Variants in GPR161 observed in about 807,000 individuals in gnomAD.
GPR161 encodes the protein G protein-coupled receptor 161.
Under a neutral mutation model 39.2 loss-of-function variants are expected in GPR161, and 25 were observed. That is an observed-to-expected ratio of 0.64 (90% CI 0.47 to 0.89). The LOEUF (loss-of-function observed/expected upper bound fraction) is 0.89. Ranked by LOEUF, GPR161 falls within the 40% of genes least tolerant of loss-of-function variation. The pLI is 0.00. For synonymous variants in GPR161, 286 were observed against 276.6 expected (o/e 1.03, Z -0.34); for missense variants, 547 against 677.8 (o/e 0.81, Z 2.14).
At chr1:168,132,515 A>C (rs367864539) in intron 1 of GPR161, among the ~76,000 whole-genome samples, 3 of 145,938 alleles carry the variant, frequency 2.1e-5, no homozygotes, top group East Asian at 2.2e-4. Flanking sequence ...GTGAACCCGG[A>C]AGATGGAGCT....
chr1:168,115,293 G>A (rs1697529501), intron 1 of GPR161, among the ~76,000 whole-genome samples: 1 of 152,056 alleles, frequency 6.6e-6, no homozygotes, highest in South Asian at 2.1e-4. Flanking sequence ...GCAACTTACA[G>A]AATCCTAATA....
chr1:168,134,760 C>G, intron 1 of GPR161: 1 of 655,618 alleles, frequency 1.5e-6, no homozygotes, highest in Non-Finnish European at 2.7e-6. Flanking sequence ...TGTGCTGGAG[C>G]CCCACCGCAC....
chr1:168,119,195 C>CGT (rs1553269044), intron 1 of GPR161, among the ~76,000 whole-genome samples: 2 of 109,608 alleles, frequency 1.8e-5, no homozygotes, highest in Admixed American at 1.8e-4. Flanking sequence ...AAATCTCCAT[C>CGT]ATATATATAT....
Position 168,112,523 on chromosome 1 carries a change from AT to A in GPR161, c.-44-7630del, listed in dbSNP as rs59790668. ...AAAAAAAAGGAAAAGAAAAAAAAAA[AT>A]TTGGTAAATACGTAGATTAATCTAA... On this transcript the variant is annotated intron_variant, in intron 1 of 5. Transcript: ENST00000682931. 9.0e-3 allele frequency among the ~76,000 whole-genome samples: 1,347 copies of A among 149,968 alleles called. 10 individuals carry two copies. The highest frequency in any genetic ancestry group is 0.015 in the Non-Finnish European group (998 of 67,626).
rs548764066 is a variant in GPR161, at chr1:168,113,779, A to T, written c.-44-8885T>A. On this transcript the variant is annotated intron_variant, in intron 1 of 5. Transcript: ENST00000682931. The stretch of plus-strand genomic sequence containing the variant: ...GTTCTCACCTATTAGTGGAAGCTAA[A>T]TGATGAGAACACAAAGAGAGGAACA... Among the ~76,000 whole-genome samples the T allele has an allele frequency of 2.6e-5, 4 of 152,374 alleles. No individual in the cohort carries two copies. In the South Asian group the frequency reaches 8.3e-4, roughly 32 times the overall value.
intron 1 of GPR161, 58 bp from the exon 2 acceptor site, chr1:168,104,952 C>T (rs1269255824): frequency 7.3e-7 from 1 of 1,370,734 alleles, no homozygotes; most frequent in Non-Finnish European, 1.0e-6. Context: ...CACATCGTCT[C>T]CACCTTAGGG....
intron 1 of GPR161, among the ~76,000 whole-genome samples, chr1:168,128,424 C>T (rs1452691318): frequency 6.6e-6 from 1 of 152,208 alleles, no homozygotes. Context: ...TTTTACAATA[C>T]ACAAGATAGC....
At chr1:168,124,336 G>C (rs1410577935) in intron 1 of GPR161, among the ~76,000 whole-genome samples, 1 of 152,104 alleles carries the variant, frequency 6.6e-6, no homozygotes, top group Admixed American at 6.6e-5. Flanking sequence ...TGAGTTTTCT[G>C]AATTGGTCGA....
At chr1:168,091,071 T>A (rs1244478065) in intron 3 of GPR161, among the ~76,000 whole-genome samples, 2 of 152,186 alleles carry the variant, frequency 1.3e-5, no homozygotes, top group Non-Finnish European at 2.9e-5. Flanking sequence ...TTTAAGAGGC[T>A]TACACCCCAA....
At chr1:168,123,962 G>A (rs1346202508) in intron 1 of GPR161, among the ~76,000 whole-genome samples, 1 of 152,200 alleles carries the variant, frequency 6.6e-6, no homozygotes, top group Non-Finnish European at 1.5e-5. Context: ...AGTTGCCTTC[G>A]CATGTTGTAA....
chr1:168,118,763 A>C (rs1228434165), intron 1 of GPR161: 1 of 152,150 alleles, frequency 6.6e-6, no homozygotes, highest in East Asian at 1.9e-4. Flanking sequence ...AGTGTTAATA[A>C]AAGTTTTTAA....
At chr1:168,131,034 G>C (rs1698948558) in intron 1 of GPR161, among the ~76,000 whole-genome samples, 1 of 152,112 alleles carries the variant, frequency 6.6e-6, no homozygotes, top group Admixed American at 6.5e-5. Context: ...GACTCTCTAG[G>C]ATTGAATGAG....
intron 2 of GPR161, among the ~76,000 whole-genome samples, chr1:168,099,181 G>T (rs1695847396): frequency 6.6e-6 from 1 of 152,182 alleles, no homozygotes; most frequent in African/African-American, 2.4e-5. Context: ...AGCCCTGGGG[G>T]GCGAACAAGC....
chr1:168,104,401 G>T, intron 2 of GPR161, 76 bp downstream of exon 2: 1 of 1,247,260 alleles, frequency 8.0e-7, no homozygotes, highest in Non-Finnish European at 1.2e-6. Flanking sequence ...AGGGAACTAA[G>T]GCAGTCAGAG....
At position 168,127,708 on chromosome 1, in the gene GPR161, A is replaced by G. The variant is rs376824037; in HGVS notation, c.-45+9031T>C. On this transcript the variant is annotated intron_variant, in intron 1 of 5. Coordinates refer to ENST00000682931, the MANE Select transcript of GPR161 (RefSeq NM_001375883.1). ...AAAACCATCAGATCTCATGAGACTC[A>G]TGCACTATGAGAACAGCACAAGAAA... is the stretch of plus-strand genomic sequence containing the variant. 9.9e-4 allele frequency among the ~76,000 whole-genome samples: 150 copies of G among 152,282 alleles called. 1 individual carries two copies. The South Asian group carries it at 0.018, about 18-fold the overall frequency.
At chr1:168,113,381 G>A (rs1346160153) in intron 1 of GPR161, among the ~76,000 whole-genome samples, 1 of 152,184 alleles carries the variant, frequency 6.6e-6, no homozygotes, top group Non-Finnish European at 1.5e-5. Flanking sequence ...GGTCATCAGG[G>A]AAAGTTGATC....
intron 1 of GPR161, 124 bp from the exon 2 acceptor site, chr1:168,105,018 C>A (rs979231124): frequency 1.8e-5 from 12 of 684,450 alleles, no homozygotes; most frequent in Non-Finnish European, 2.9e-5. Context: ...CTAGTACAGA[C>A]TCTCAGCGGG....
chr1:168,135,886 A>G (rs1699315959), intron 1 of GPR161: 3 of 323,876 alleles, frequency 9.3e-6, no homozygotes, highest in Middle Eastern at 2.4e-3. Flanking sequence ...ACTTTGCAAA[A>G]GGGATGAAAG....
At chr1:168,090,490 G>A in intron 4 of GPR161, 74 bp downstream of exon 4, 2 of 830,628 alleles carry the variant, frequency 2.4e-6, no homozygotes, top group South Asian at 1.6e-5. Context: ...CCTGCACAGG[G>A]GAAACGCGAC....
Sources: gnomAD v4.1 joint callset for allele counts (sites outside exome capture counted in the v4.1 genomes callset) on GRCh38, gnomAD v4.1.1 for gene constraint, MANE v1.5 for transcripts, NCBI Gene and HGNC (gene_info 2026-07-23, HGNC 2026-07-21) for gene names.